MYT1L: variants seen among roughly 807,000 people sequenced by gnomAD.
MYT1L encodes myelin transcription factor 1-like protein.
In MYT1L, 12 loss-of-function variants were observed where a neutral mutation model predicts 126.7. That is an observed-to-expected ratio of 0.09 (90% CI 0.06 to 0.15). MYT1L has a LOEUF of 0.15. Among genes scored for constraint, MYT1L ranks in the 10% least tolerant of loss-of-function variants. MYT1L has a pLI of 1.00. For synonymous variants in MYT1L, 541 were observed against 604.2 expected (o/e 0.90, Z 1.53); for missense variants, 979 against 1,585.2 (o/e 0.62, Z 6.49).
At chr2:1,850,417 A>G (rs2043119138) in intron 19 of MYT1L, among the ~76,000 whole-genome samples, 1 of 152,194 alleles carries the variant, frequency 6.6e-6, no homozygotes, top group Non-Finnish European at 1.5e-5. Context: ...TTTCCCATAC[A>G]GGGAGACTTC....
intron 21 of MYT1L, among the ~76,000 whole-genome samples, chr2:1,821,254 C>CT (rs1558654053): frequency 6.6e-6 from 1 of 152,168 alleles, no homozygotes; most frequent in Non-Finnish European, 1.5e-5. Flanking sequence ...TTGCTCTACT[C>CT]TCGCTACTTC....
At chr2:2,259,370 T>C (rs961571368) in intron 2 of MYT1L, among the ~76,000 whole-genome samples, 1 of 133,644 alleles carries the variant, frequency 7.5e-6, no homozygotes, top group Non-Finnish European at 1.5e-5. Context: ...AATGTGCACA[T>C]GTACCCTAAA....
At chr2:2,188,316 T>C (rs1486543058) in intron 2 of MYT1L, among the ~76,000 whole-genome samples, 2 of 152,180 alleles carry the variant, frequency 1.3e-5, no homozygotes, top group African/African-American at 4.8e-5. Flanking sequence ...TGCTATTTGG[T>C]GGGGTGCTAT....
chr2:2,003,298 T>C (rs1402466359), intron 4 of MYT1L, among the ~76,000 whole-genome samples: 1 of 152,270 alleles, frequency 6.6e-6, no homozygotes, highest in East Asian at 1.9e-4. Context: ...ACATAAATTG[T>C]TGAAAAAGTC....
At chr2:2,025,145 A>G (rs72767345) in intron 4 of MYT1L, among the ~76,000 whole-genome samples, 17,699 of 152,266 alleles carry the variant, frequency 0.12, 1,214 homozygotes, top group African/African-American at 0.16. Context: ...GATGGAGGGT[A>G]GGAGGCGTGG....
At chr2:1,956,432 A>C (rs1340410366) in intron 8 of MYT1L, among the ~76,000 whole-genome samples, 1 of 138,882 alleles carries the variant, frequency 7.2e-6, no homozygotes, top group Non-Finnish European at 1.5e-5. Context: ...CTATCTATCT[A>C]TCTATCTACC....
intron 14 of MYT1L, among the ~76,000 whole-genome samples, chr2:1,893,752 T>G (rs1341801295): frequency 6.6e-6 from 1 of 152,180 alleles, no homozygotes; most frequent in Non-Finnish European, 1.5e-5. Flanking sequence ...CTCACATTGC[T>G]GATACGGTCA....
intron 23 of MYT1L, among the ~76,000 whole-genome samples, chr2:1,798,389 C>A (rs1306721866): frequency 6.6e-6 from 1 of 152,224 alleles, no homozygotes; most frequent in Non-Finnish European, 1.5e-5. Context: ...CTGTGCAGGA[C>A]CCTCATCACC....
chr2:1,918,383 C>T (rs13012729), intron 10 of MYT1L, among the ~76,000 whole-genome samples: 4,414 of 152,140 alleles, frequency 0.029, 92 homozygotes, highest in Non-Finnish European at 0.046. Context: ...CAACAGATAG[C>T]GATTATTATT....
chr2:2,320,439 C>T (rs1400459061), intron 1 of MYT1L, among the ~76,000 whole-genome samples: 1 of 142,052 alleles, frequency 7.0e-6, no homozygotes, highest in Non-Finnish European at 1.5e-5. Flanking sequence ...TACAATTAGG[C>T]ATAAAATTTT....
chr2:2,147,860 G>C (rs2085118970), intron 3 of MYT1L, among the ~76,000 whole-genome samples: 1 of 152,210 alleles, frequency 6.6e-6, no homozygotes, highest in African/African-American at 2.4e-5. Context: ...AGGTCCATCT[G>C]GTACCGTGTC....
At chr2:1,843,348 C>A (rs888628980) in intron 19 of MYT1L, among the ~76,000 whole-genome samples, 1 of 152,154 alleles carries the variant, frequency 6.6e-6, no homozygotes, top group Non-Finnish European at 1.5e-5. Context: ...TTGCACAGAG[C>A]GGGTCATTCA....
chr2:2,295,583 GAC>G (rs2095663717), intron 1 of MYT1L, among the ~76,000 whole-genome samples: 8 of 105,438 alleles, frequency 7.6e-5, no homozygotes, highest in East Asian at 3.3e-4. Flanking sequence ...GAGAGAGAGA[GAC>G]AGACAGACAG....
intron 21 of MYT1L, chr2:1,816,374 G>C (rs1051891073): frequency 4.6e-5 from 7 of 152,616 alleles, no homozygotes; most frequent in Non-Finnish European, 7.3e-5. Flanking sequence ...GGCAATTCCT[G>C]GCTCAGGAGC....
At chr2:2,041,545 T>C (rs750974356) in intron 4 of MYT1L, among the ~76,000 whole-genome samples, 5 of 152,188 alleles carry the variant, frequency 3.3e-5, no homozygotes, top group Non-Finnish European at 5.9e-5. Flanking sequence ...TGACCAAACA[T>C]CAGAAAAATT....
intron 2 of MYT1L, among the ~76,000 whole-genome samples, chr2:2,220,628 C>T (rs767449960): frequency 2.0e-5 from 3 of 152,084 alleles, no homozygotes; most frequent in South Asian, 2.1e-4. Context: ...CATTTTCCCC[C>T]ACAAAGGACA....
At chr2:2,190,197 C>T (rs1408370893) in intron 2 of MYT1L, among the ~76,000 whole-genome samples, 2 of 141,852 alleles carry the variant, frequency 1.4e-5, no homozygotes, top group Non-Finnish European at 2.9e-5. Flanking sequence ...TGGCTCATGC[C>T]TGTAGTCCCA....
chr2:2,080,870 A>G (rs1156605924), intron 3 of MYT1L, among the ~76,000 whole-genome samples: 3 of 152,244 alleles, frequency 2.0e-5, no homozygotes, highest in African/African-American at 2.4e-5. Flanking sequence ...ATGTGTCTAC[A>G]TGGACATTAT....
At chr2:2,055,255 T>C (rs2069362973) in intron 3 of MYT1L, among the ~76,000 whole-genome samples, 1 of 152,216 alleles carries the variant, frequency 6.6e-6, no homozygotes, top group Non-Finnish European at 1.5e-5. Context: ...TCATAGCTTA[T>C]ATCATCAGCG....
Sources: allele counts gnomAD v4.1 joint callset (sites outside exome capture counted in the v4.1 genomes callset), GRCh38; gene constraint gnomAD v4.1.1; transcripts MANE v1.5; gene names NCBI Gene and HGNC (gene_info 2026-07-23, HGNC 2026-07-21).